The following NRXN3 variants were observed in gnomAD, a reference collection of about 807,000 sequenced individuals.
NRXN3 encodes neurexin III.
NRXN3 carries 32 observed loss-of-function variants against 137.6 expected under a neutral mutation model. That is an observed-to-expected ratio of 0.23 (90% CI 0.18 to 0.31). NRXN3 has a LOEUF of 0.31. Among genes scored for constraint, NRXN3 ranks in the 10% least tolerant of loss-of-function variants. The probability of loss-of-function intolerance (pLI) is 1.00; values close to 1 mark genes in which losing one functional copy is unlikely to be tolerated. For missense variants in NRXN3, 1,574 were observed against 2,062.5 expected, an observed-to-expected ratio of 0.76 and a Z score of 4.59; for synonymous variants, 798 against 784.5, an observed-to-expected ratio of 1.02 and a Z score of -0.29.
chr14:79,159,896 T>C (rs182824847), intron 15 of NRXN3, among the ~76,000 whole-genome samples: 1 of 152,058 alleles, frequency 6.6e-6, no homozygotes, highest in Admixed American at 6.6e-5. Flanking sequence ...TTTTCTTATA[T>C]GCGTTTTCCA....
intron 10 of NRXN3, among the ~76,000 whole-genome samples, chr14:78,842,696 C>G (rs1167645873): frequency 1.3e-5 from 2 of 152,018 alleles, no homozygotes; most frequent in Non-Finnish European, 2.9e-5. Flanking sequence ...TTATTTCATC[C>G]CACAGCTGTG....
chr14:79,477,049 T>C (rs1043423709), intron 16 of NRXN3, among the ~76,000 whole-genome samples: 1 of 151,946 alleles, frequency 6.6e-6, no homozygotes. Context: ...AAATCATATG[T>C]ACGAATCTTT....
chr14:79,517,098 C>T (rs145209934), intron 16 of NRXN3, among the ~76,000 whole-genome samples: 18 of 148,944 alleles, frequency 1.2e-4, no homozygotes, highest in African/African-American at 4.2e-4. Flanking sequence ...TACAGCCCCC[C>T]CCCCCTCAAC....
intron 14 of NRXN3, among the ~76,000 whole-genome samples, chr14:78,987,221 C>T (rs2099508805): frequency 6.6e-6 from 1 of 151,634 alleles, no homozygotes; most frequent in African/African-American, 2.4e-5. Context: ...GACACATTCC[C>T]AGGTTGTGGT....
chr14:79,456,109 G>A (rs1231665445), intron 15 of NRXN3, among the ~76,000 whole-genome samples: 1 of 152,086 alleles, frequency 6.6e-6, no homozygotes. Context: ...TATGTATAAA[G>A]AGTACTGTTT....
intron 17 of NRXN3, among the ~76,000 whole-genome samples, chr14:79,670,825 A>G (rs2098603270): frequency 6.6e-6 from 1 of 152,134 alleles, no homozygotes; most frequent in Admixed American, 6.5e-5. Context: ...CCACCCGTAT[A>G]CATTTTAGGA....
chr14:78,800,615 G>A (rs917426353), intron 8 of NRXN3, among the ~76,000 whole-genome samples: 1 of 152,168 alleles, frequency 6.6e-6, no homozygotes, highest in African/African-American at 2.4e-5. Context: ...CATGTCATGA[G>A]TTTTACCTGG....
intron 10 of NRXN3, among the ~76,000 whole-genome samples, chr14:78,817,701 T>C (rs1160062624): frequency 2.0e-5 from 3 of 152,072 alleles, no homozygotes. Flanking sequence ...CCAAAGAATA[T>C]AGACTCTTTT....
At chr14:79,277,670 T>G (rs2080508039) in intron 15 of NRXN3, among the ~76,000 whole-genome samples, 1 of 152,192 alleles carries the variant, frequency 6.6e-6, no homozygotes, top group Non-Finnish European at 1.5e-5. Flanking sequence ...AACTGAGGTT[T>G]CAATGGAATG....
intron 1 of NRXN3, among the ~76,000 whole-genome samples, chr14:78,224,671 A>G (rs1172054467): frequency 2.8e-4 from 42 of 148,858 alleles, no homozygotes; most frequent in Non-Finnish European, 4.4e-4. Flanking sequence ...AATCCAGTCT[A>G]TCATTATTGG....
Position 79,646,126 on chromosome 14 carries a change from A to G in NRXN3, c.3445-17652A>G, listed in dbSNP as rs111674873. On this transcript the variant is annotated intron_variant, in intron 16 of 20. Transcript: ENST00000335750. ...ACAGCTGACAGGCAACTCTGCCTGA[A>G]CAAGTAGCATCTCCAAAATGACATG... Among the ~76,000 whole-genome samples the G allele has an allele frequency of 8.2e-4, 112 of 136,124 alleles. 8 individuals carry two copies. Among genetic ancestry groups the G allele is most frequent in the African/African-American group, 2.6e-3 (108 of 40,926 alleles). 89.3% of individuals were successfully genotyped at this position (136,124 alleles called of 152,430 possible).
chr14:78,669,361 G>A (rs970797404), intron 6 of NRXN3, among the ~76,000 whole-genome samples: 2 of 152,092 alleles, frequency 1.3e-5, no homozygotes, highest in Non-Finnish European at 2.9e-5. Context: ...AAAATTCAGG[G>A]TGAGTCCATA....
At chr14:78,434,905 C>T (rs1178163685) in intron 4 of NRXN3, among the ~76,000 whole-genome samples, 1 of 152,174 alleles carries the variant, frequency 6.6e-6, no homozygotes, top group Non-Finnish European at 1.5e-5. Flanking sequence ...ATAACAGTTC[C>T]ACTAAAATCC....
intron 15 of NRXN3, among the ~76,000 whole-genome samples, chr14:79,289,064 A>G (rs1295827606): frequency 6.6e-6 from 1 of 152,192 alleles, no homozygotes; most frequent in African/African-American, 2.4e-5. Context: ...ACTTAGAGAT[A>G]TAAGAGAGCT....
intron 4 of NRXN3, among the ~76,000 whole-genome samples, chr14:78,570,355 T>C (rs771295478): frequency 1.8e-4 from 28 of 152,184 alleles, no homozygotes; most frequent in Non-Finnish European, 2.8e-4. Context: ...ACTTCCAGAA[T>C]GCAGTACTGT....
At chr14:78,914,278 A>G (rs537646917) in intron 10 of NRXN3, among the ~76,000 whole-genome samples, 2 of 152,372 alleles carry the variant, frequency 1.3e-5, no homozygotes, top group South Asian at 2.1e-4. Flanking sequence ...TGTGCTAAGC[A>G]TTGTCCAAGG....
At chr14:78,841,954 G>T (rs2099013660) in intron 10 of NRXN3, among the ~76,000 whole-genome samples, 1 of 152,120 alleles carries the variant, frequency 6.6e-6, no homozygotes, top group South Asian at 2.1e-4. Context: ...TTAGAATGAG[G>T]ATTTGATAAT....
At chr14:79,734,278 A>G (rs954846805) in intron 19 of NRXN3, among the ~76,000 whole-genome samples, 1 of 152,172 alleles carries the variant, frequency 6.6e-6, no homozygotes, top group African/African-American at 2.4e-5. Context: ...TCTATTTAAA[A>G]TTGCAGATTT....
At chr14:78,679,995 A>C (rs932823682) in intron 6 of NRXN3, among the ~76,000 whole-genome samples, 1 of 152,148 alleles carries the variant, frequency 6.6e-6, no homozygotes, top group East Asian at 1.9e-4. Context: ...AGTAACACTA[A>C]TAATGACTAA....
Sources: gnomAD v4.1 joint callset for allele counts (sites outside exome capture counted in the v4.1 genomes callset) on GRCh38, gnomAD v4.1.1 for gene constraint, MANE v1.5 for transcripts, NCBI Gene and HGNC (gene_info 2026-07-23, HGNC 2026-07-21) for gene names.